RALGAPA2: variants seen among roughly 807,000 people sequenced by gnomAD.
RALGAPA2 encodes the protein Ral GTPase activating protein catalytic subunit alpha 2, also known as ral GTPase-activating protein subunit alpha-2.
Under a neutral mutation model 230.4 loss-of-function variants are expected in RALGAPA2, and 139 were observed. The ratio of observed to expected loss-of-function variants is 0.60; its 90% confidence interval spans 0.53 to 0.69. RALGAPA2 has a LOEUF of 0.69. Ranked by LOEUF, RALGAPA2 falls within the 30% of genes least tolerant of loss-of-function variation. The probability of loss-of-function intolerance (pLI) is 0.00; values close to 1 mark genes in which losing one functional copy is unlikely to be tolerated. For missense variants in RALGAPA2, 2,163 were observed against 2,276.0 expected (o/e 0.95, Z 1.01); for synonymous variants, 847 against 837.8 (o/e 1.01, Z -0.19).
Position 20,412,155 on chromosome 20 carries a change from T to C in RALGAPA2, c.5496-7A>G. 1.2e-6 allele frequency: 2 copies of C among 1,613,730 alleles called. No individual in the cohort carries two copies. The highest frequency in any genetic ancestry group is 8.5e-7 in the Non-Finnish European group (1 of 1,179,674). On this transcript the variant is annotated splice_polypyrimidine_tract_variant and splice_region_variant and intron_variant, in intron 37 of 39. Transcript: ENST00000202677. ...CAGAGCTCGCTCTTCATAGCTGCGG[T>C]AATCGGTTAAGGAAACAAGTGCACG...
chr20:20,680,122 T>C (rs2068467623), intron 2 of RALGAPA2, among the ~76,000 whole-genome samples: 1 of 152,144 alleles, frequency 6.6e-6, no homozygotes, highest in African/African-American at 2.4e-5. Context: ...GCTAGAAGGG[T>C]GGGGCCAGGT....
At chr20:20,673,078 G>C (rs2068191997) in intron 3 of RALGAPA2, among the ~76,000 whole-genome samples, 1 of 151,982 alleles carries the variant, frequency 6.6e-6, no homozygotes, top group East Asian at 1.9e-4. Flanking sequence ...CCAGTTACCT[G>C]GGAGGCTGAG....
At chr20:20,586,278 T>C (rs1039457377) in intron 18 of RALGAPA2, among the ~76,000 whole-genome samples, 6 of 152,188 alleles carry the variant, frequency 3.9e-5, no homozygotes, top group Admixed American at 6.5e-5. Context: ...AACGTGGCTA[T>C]TGCAAGGGTA....
chr20:20,617,038 C>T (rs2066167258), intron 12 of RALGAPA2, among the ~76,000 whole-genome samples: 1 of 152,188 alleles, frequency 6.6e-6, no homozygotes, highest in Non-Finnish European at 1.5e-5. Flanking sequence ...ACCATTTACA[C>T]AGTTGACACC....
At chr20:20,624,142 C>T (rs2066411828) in intron 10 of RALGAPA2, among the ~76,000 whole-genome samples, 1 of 152,118 alleles carries the variant, frequency 6.6e-6, no homozygotes, top group Admixed American at 6.5e-5. Flanking sequence ...GCTTGGCCAA[C>T]ATGGCGAAAC....
chr20:20,702,316 C>T (rs777663716), intron 1 of RALGAPA2, among the ~76,000 whole-genome samples: 2 of 152,068 alleles, frequency 1.3e-5, no homozygotes, highest in African/African-American at 4.8e-5. Context: ...CAGGATTAGA[C>T]ATGCAAGAGA....
At chr20:20,492,195 G>A (rs1158238531) in intron 36 of RALGAPA2, among the ~76,000 whole-genome samples, 3 of 152,058 alleles carry the variant, frequency 2.0e-5, no homozygotes, top group African/African-American at 7.2e-5. Flanking sequence ...AGACTTTTGT[G>A]TACTGATGAG....
intron 13 of RALGAPA2, 29 bp downstream of exon 13, chr20:20,616,014 C>T (rs778664884): frequency 7.2e-7 from 1 of 1,386,146 alleles, no homozygotes; most frequent in Non-Finnish European, 9.6e-7. Context: ...ATCTGTTTTA[C>T]AATACTAATT....
intron 24 of RALGAPA2, 43 bp downstream of exon 24, chr20:20,546,661 G>A: frequency 6.5e-7 from 1 of 1,535,948 alleles, no homozygotes; most frequent in Non-Finnish European, 8.7e-7. Context: ...TAGCGATTGT[G>A]AAGCCTCTTG....
chr20:20,662,169 T>C (rs139476780), intron 3 of RALGAPA2, among the ~76,000 whole-genome samples: 1 of 152,272 alleles, frequency 6.6e-6, no homozygotes, highest in African/African-American at 2.4e-5. Context: ...AAGTTATTAT[T>C]CTAAGCGATG....
At chr20:20,537,758 T>C (rs191283040) in intron 24 of RALGAPA2, among the ~76,000 whole-genome samples, 14 of 152,306 alleles carry the variant, frequency 9.2e-5, no homozygotes, top group Non-Finnish European at 2.1e-4. Context: ...ATGTCTACTA[T>C]TATGTAATAA....
intron 4 of RALGAPA2, among the ~76,000 whole-genome samples, chr20:20,649,846 G>A (rs566012532): frequency 3.9e-5 from 6 of 152,220 alleles, no homozygotes; most frequent in South Asian, 2.1e-4. Flanking sequence ...CTGCCAGTGC[G>A]ATTCTTTGCC....
chr20:20,565,204 C>T (rs1043137339), intron 23 of RALGAPA2, among the ~76,000 whole-genome samples: 2 of 152,168 alleles, frequency 1.3e-5, no homozygotes, highest in Non-Finnish European at 2.9e-5. Flanking sequence ...AATTTGCCAT[C>T]CTAATTCTTT....
intron 16 of RALGAPA2, among the ~76,000 whole-genome samples, chr20:20,599,981 T>C (rs28629407): frequency 1.4e-5 from 2 of 142,056 alleles, no homozygotes; most frequent in Non-Finnish European, 1.5e-5. Context: ...TCAAAAAAAA[T>C]AAAAAATAAA....
At chr20:20,592,315 C>T (rs2065316110) in intron 16 of RALGAPA2, among the ~76,000 whole-genome samples, 1 of 152,166 alleles carries the variant, frequency 6.6e-6, no homozygotes, top group Admixed American at 6.5e-5. Flanking sequence ...TCTCACGGGA[C>T]ATACTGATCC....
At chr20:20,501,733 G>C (rs1212071303) in intron 35 of RALGAPA2, among the ~76,000 whole-genome samples, 1 of 152,158 alleles carries the variant, frequency 6.6e-6, no homozygotes, top group Non-Finnish European at 1.5e-5. Flanking sequence ...CCCTATCTCA[G>C]CTTTCAACAT....
Position 20,393,241 on chromosome 20 carries a change from G to C in RALGAPA2, c.*48C>G, listed in dbSNP as rs751014844. The C allele has an allele frequency of 1.5e-5, 20 of 1,353,480 alleles. No individual in the cohort carries two copies. Among genetic ancestry groups the C allele is most frequent in the Non-Finnish European group, 1.9e-5 (19 of 1,015,764 alleles). The allele number at this position is 1,353,480 out of a possible 1,614,324, so 83.8% of individuals were successfully genotyped here. A position where few individuals can be genotyped will look rare whatever the true frequency, so the allele number is the denominator to read the frequency against. On this transcript the variant is annotated 3_prime_UTR_variant, in exon 40 of 40. Coordinates refer to ENST00000202677, the MANE Select transcript of RALGAPA2 (RefSeq NM_020343.4). ...CTCTTCGAGGTCAGCACTCAGACTG[G>C]AGGCCAGGGCCCCTGCAAAGGAAGC...
intron 5 of RALGAPA2, among the ~76,000 whole-genome samples, chr20:20,642,853 C>T (rs1245089541): frequency 5.3e-5 from 8 of 152,102 alleles, no homozygotes; most frequent in East Asian, 3.9e-4. Context: ...TAAAGGCATT[C>T]GCACAACTTA....
chr20:20,606,753 G>C (rs971441615), intron 14 of RALGAPA2, among the ~76,000 whole-genome samples: 1 of 152,138 alleles, frequency 6.6e-6, no homozygotes, highest in Admixed American at 6.5e-5. Flanking sequence ...TCTGCCCCCA[G>C]TCTTATAGTC....
Sources: allele counts gnomAD v4.1 joint callset (sites outside exome capture counted in the v4.1 genomes callset), GRCh38; gene constraint gnomAD v4.1.1; transcripts MANE v1.5; gene names NCBI Gene and HGNC (gene_info 2026-07-23, HGNC 2026-07-21).